PPCS: variants seen among roughly 807,000 people sequenced by gnomAD.
PPCS encodes phosphopantothenate--cysteine ligase.
A neutral mutation model predicts 24.6 loss-of-function variants in PPCS; 17 were observed. The observed-to-expected ratio is 0.69, with a 90% CI of 0.47 to 1.04. The LOEUF (loss-of-function observed/expected upper bound fraction) is 1.04, where lower values mean the gene tolerates loss of function less well. Ranked by LOEUF, PPCS falls within the 50% of genes least tolerant of loss-of-function variation. The pLI, the probability that PPCS is intolerant of heterozygous loss-of-function variation, is 0.00. For missense variants in PPCS, 360 were observed against 402.8 expected, an observed-to-expected ratio of 0.89 and a Z score of 0.91; for synonymous variants, 190 against 168.3, an observed-to-expected ratio of 1.13 and a Z score of -1.00.
rs1557776329 is a variant in PPCS at position 42,457,276 on chromosome 1, G to C, written c.538G>C (p.Ala180Pro). The C allele has an allele frequency of 6.2e-7, 1 of 1,614,188 alleles. No homozygotes were observed. The highest frequency in any genetic ancestry group is 1.3e-5 in the African/African-American group (1 of 75,050). Reference protein sequence around the residue: ...GPSAMFYLAAAVSDFYVPVSE... With the variant: ...GPSAMFYLAAPVSDFYVPVSE... Reference sequence around the variant, plus strand: ...TTCTGCGATGTTTTACCTGGCTGCGGCTGTGTCAGATTTCTATGTTCCTGT... The same window carrying C: ...TTCTGCGATGTTTTACCTGGCTGCGCCTGTGTCAGATTTCTATGTTCCTGT... Residue 180 changes from alanine to proline, a missense_variant, in exon 2 of 3, where the codon GCT (alanine) becomes CCT (proline). This residue lies in a region of PPCS where 116 missense variants were observed against 168.1 expected (regional missense o/e 0.69). Coordinates refer to ENST00000372561, the MANE Select transcript of PPCS (RefSeq NM_024664.4).
Position 42,457,362 on chromosome 1 carries a change from T to G in PPCS, c.612+12T>G, listed in dbSNP as rs376311027. 6.5e-5 allele frequency: 105 copies of G among 1,606,230 alleles called. No homozygotes were observed. The highest frequency in any genetic ancestry group is 1.7e-5 in the Admixed American group (1 of 59,996). ...GGGGCCCACTGCAGGTGATGGGCGC[T>G]TCTCTTCCAGAGATCTAATCCCATA... On this transcript the variant is annotated intron_variant, in intron 2 of 2. Coordinates refer to ENST00000372561, the MANE Select transcript of PPCS (RefSeq NM_024664.4).
rs542795662 is a variant in PPCS, at chr1:42,456,954, A to G, written c.389A>G (p.Glu130Gly). The change falls in exon 1 of 3, where the codon GAG becomes GGG. Residue 130 changes from glutamate to glycine, a missense_variant. By Grantham distance (98) the Glu-to-Gly change is moderately conservative. This residue lies in a region of PPCS where 244 missense variants were observed against 234.7 expected (regional missense o/e 1.04). Coordinates refer to ENST00000372561, the MANE Select transcript of PPCS (RefSeq NM_024664.4). ...AEENALPGFAEALRSYQEAAA... is the reference protein window; with the variant it reads ...AEENALPGFAGALRSYQEAAA... The stretch of plus-strand genomic sequence containing the variant: ...GAGAATGCACTTCCGGGTTTTGCTG[A>G]GGCTCTGAGGAGCTACCAGGAGGCT... 9 of 1,605,216 alleles carry G rather than the reference A, an allele frequency of 5.6e-6. No homozygotes were observed. Among genetic ancestry groups the G allele is most frequent in the Non-Finnish European group, 6.8e-6 (8 of 1,179,986 alleles).
chr1:42,466,485 A>C (rs1373904273), intron 2 of PPCS, among the ~76,000 whole-genome samples: 1 of 152,150 alleles, frequency 6.6e-6, no homozygotes, highest in Admixed American at 6.6e-5. Flanking sequence ...TGGATTTTTA[A>C]GAGATTTAAT....
intron 2 of PPCS, among the ~76,000 whole-genome samples, chr1:42,466,387 G>C (rs754291010): frequency 6.6e-6 from 1 of 152,232 alleles, no homozygotes; most frequent in Admixed American, 6.5e-5. Context: ...AAAATTCTTT[G>C]TCTCAGTTTG....
In PPCS at chr1:42,456,626, G is replaced by A. The variant is rs12093021; in HGVS notation, c.61G>A (p.Glu21Lys). 1.6e-5 allele frequency: 26 copies of A among 1,579,398 alleles called. No individual in the cohort carries two copies. The highest frequency in any genetic ancestry group is 2.1e-5 in the Non-Finnish European group (24 of 1,164,960). The change falls in exon 1 of 3, where the codon GAG becomes AAG. Residue 21 changes from glutamate to lysine, a missense_variant. Glu to Lys is a moderately conservative substitution (Grantham distance 56). Around this residue, in one of 2 missense-constraint regions of PPCS, gnomAD observed 244 missense variants for 234.7 expected, o/e 1.04. Transcript: ENST00000372561. Reference protein sequence around the residue: ...PQPPGAARWAEVMARFAARLG... With the variant: ...PQPPGAARWAKVMARFAARLG... ...GCCTCCCGGTGCTGCGCGCTGGGCT[G>A]AGGTTATGGCTCGCTTCGCGGCCAG...
downstream of PPCS, chr1:42,464,364 A>G (rs904511628): frequency 2.0e-5 from 3 of 152,240 alleles, no homozygotes; most frequent in South Asian, 2.1e-4. Flanking sequence ...GTGTTTATCA[A>G]TGTGAAAAGG....
chr1:42,456,855 C>T lies in PPCS; in HGVS notation c.290C>T (p.Pro97Leu). Residue 97 changes from proline to leucine, a missense_variant, in exon 1 of 3, where the codon CCA becomes CTA. Physicochemically the swap from Pro to Leu is moderately conservative, Grantham distance 98. Coordinates refer to ENST00000372561, the MANE Select transcript of PPCS (RefSeq NM_024664.4). The part of the protein sequence containing the change: ...RSAFPYAHRF[P>L]PQTWLSALRP... ...GCCTTCCCCTATGCCCACCGCTTCC[C>T]ACCCCAGACTTGGCTGTCCGCTCTG... The T allele has an allele frequency of 6.2e-7, 1 of 1,613,522 alleles. No individual in the cohort carries two copies. Among genetic ancestry groups the T allele is most frequent in the African/African-American group, 1.3e-5 (1 of 75,082 alleles).
chr1:42,459,155 C>CT (rs11316113), intron 2 of PPCS: 3,180 of 92,732 alleles, frequency 0.034, 78 homozygotes, highest in African/African-American at 0.066. Context: ...AGAGCCAAGG[C>CT]TTTTTTTTTT....
At chr1:42,469,014 A>T (rs996876788) in intron 2 of PPCS, among the ~76,000 whole-genome samples, 15 of 151,910 alleles carry the variant, frequency 9.9e-5, no homozygotes, top group Admixed American at 1.3e-4. Context: ...ACATCACAGA[A>T]CAGAATTAAA....
chr1:42,462,096 A>G (rs1422503040), downstream of PPCS, among the ~76,000 whole-genome samples: 1 of 152,188 alleles, frequency 6.6e-6, no homozygotes, highest in Non-Finnish European at 1.5e-5. Context: ...GGAATTTTAT[A>G]TCCTGTCTTG....
At chr1:42,470,381 A>C (rs1643730687) in intron 2 of PPCS, among the ~76,000 whole-genome samples, 2 of 152,146 alleles carry the variant, frequency 1.3e-5, no homozygotes, top group African/African-American at 4.8e-5. Context: ...AAAATGGTGC[A>C]GCTGCAGTAG....
downstream of PPCS, among the ~76,000 whole-genome samples, chr1:42,462,829 CAAT>C (rs1643446772): frequency 6.6e-6 from 1 of 152,162 alleles, no homozygotes; most frequent in African/African-American, 2.4e-5. Flanking sequence ...TTCCTTTTTA[CAAT>C]AATAAGCTGG....
Position 42,456,648 on chromosome 1 carries a change from C to T in PPCS, c.83C>T (p.Ala28Val), listed in dbSNP as rs753656196. Residue 28 changes from alanine (A) to valine (V), a missense_variant, in exon 1 of 3, where the codon GCC becomes GTC. By Grantham distance (64) the Ala-to-Val change is moderately conservative (BLOSUM62 0). Around this residue, in one of 2 missense-constraint regions of PPCS, gnomAD observed 244 missense variants for 234.7 expected, o/e 1.04. Coordinates refer to ENST00000372561, the MANE Select transcript of PPCS (RefSeq NM_024664.4). ...RWAEVMARFA[A>V]RLGAQGRRVV... Reference sequence around the variant, plus strand: ...GCTGAGGTTATGGCTCGCTTCGCGGCCAGGCTGGGCGCGCAGGGCCGGCGG... The same window carrying T: ...GCTGAGGTTATGGCTCGCTTCGCGGTCAGGCTGGGCGCGCAGGGCCGGCGG... 2.5e-6 allele frequency: 4 copies of T among 1,588,008 alleles called. No homozygotes were observed. The highest frequency in any genetic ancestry group is 2.3e-5 in the South Asian group (2 of 87,104).
intron 2 of PPCS, among the ~76,000 whole-genome samples, chr1:42,469,441 CA>C (rs1643694592): frequency 6.6e-6 from 1 of 152,108 alleles, no homozygotes; most frequent in Admixed American, 6.5e-5. Flanking sequence ...ACAGAAGCCA[CA>C]GTATAGGAGT....
At chr1:42,472,118 G>A (rs1225068556) in intron 2 of PPCS, among the ~76,000 whole-genome samples, 1 of 152,092 alleles carries the variant, frequency 6.6e-6, no homozygotes, top group Non-Finnish European at 1.5e-5. Flanking sequence ...GCCAGGTGTG[G>A]TGGCACACAC....
At chr1:42,472,480 C>T (rs528416965) in intron 2 of PPCS, among the ~76,000 whole-genome samples, 13 of 152,090 alleles carry the variant, frequency 8.5e-5, no homozygotes, top group Admixed American at 3.3e-4. Flanking sequence ...TAAAATAAAT[C>T]CTGGATAGTA....
At chr1:42,470,221 G>A (rs1037188487) in intron 2 of PPCS, among the ~76,000 whole-genome samples, 1 of 152,124 alleles carries the variant, frequency 6.6e-6, no homozygotes, top group African/African-American at 2.4e-5. Flanking sequence ...TCCAGAGATT[G>A]GAGGTCTCAC....
In PPCS at chr1:42,456,818, C is replaced by G. The variant is rs372027710; in HGVS notation, c.253C>G (p.Arg85Gly). 6.2e-6 allele frequency: 10 copies of G among 1,613,314 alleles called. No homozygotes were observed. Among genetic ancestry groups the G allele is most frequent in the Non-Finnish European group, 7.6e-6 (9 of 1,180,044 alleles). ...AAGYGVLFLY[R>G]ARSAFPYAHR... ...CGGCTACGGGGTCCTGTTCTTGTAT[C>G]GCGCTCGCTCTGCCTTCCCCTATGC... Residue 85 changes from arginine to glycine, a missense_variant, in exon 1 of 3, where the codon CGC becomes GGC. By Grantham distance (125) the Arg-to-Gly change is moderately radical (BLOSUM62 -2). Around this residue, in one of 2 missense-constraint regions of PPCS, gnomAD observed 244 missense variants for 234.7 expected, o/e 1.04. Coordinates refer to ENST00000372561, the MANE Select transcript of PPCS (RefSeq NM_024664.4).
downstream of PPCS, among the ~76,000 whole-genome samples, chr1:42,466,227 C>T (rs936421721): frequency 4.6e-5 from 7 of 152,266 alleles, no homozygotes; most frequent in Admixed American, 3.9e-4. Context: ...CACTCAAAGA[C>T]TTTGGAATCC....
Sources: allele counts gnomAD v4.1 joint callset (sites outside exome capture counted in the v4.1 genomes callset), GRCh38; gene constraint gnomAD v4.1.1; regional missense constraint gnomAD v4.1.1; transcripts MANE v1.5; gene names NCBI Gene and HGNC (gene_info 2026-07-23, HGNC 2026-07-21).